The following TPTE2 variants were observed in gnomAD, a reference collection of about 807,000 sequenced individuals.
The protein encoded by TPTE2 is transmembrane phosphoinositide 3-phosphatase and tensin homolog 2.
Under a neutral mutation model 78.6 loss-of-function variants are expected in TPTE2, and 53 were observed. The ratio of observed to expected loss-of-function variants is 0.67; its 90% CI spans 0.54 to 0.85. TPTE2 has a LOEUF of 0.85. Ranked by LOEUF, TPTE2 falls within the 40% of genes least tolerant of loss-of-function variation. The pLI is 0.00. For synonymous variants in TPTE2, 175 were observed against 206.2 expected (o/e 0.85, Z 1.30); for missense variants, 461 against 623.0 (o/e 0.74, Z 2.77).
intron 11 of TPTE2, 149 bp downstream of exon 14, chr13:19,451,016 G>C (rs1398422861): frequency 2.1e-6 from 2 of 935,870 alleles, no homozygotes; most frequent in African/African-American, 1.7e-5. Context: ...CTACTAAATG[G>C]GGCCAGTCCA....
At position 19,459,740 on chromosome 13, in the gene TPTE2, G is replaced by A. The variant is rs182906865; in HGVS notation, c.741+4716C>T. 2.2e-3 allele frequency among the ~76,000 whole-genome samples: 331 copies of A among 152,324 alleles called. 1 individual carries two copies. Among genetic ancestry groups the A allele is most frequent in the Non-Finnish European group, 2.1e-3 (141 of 68,030 alleles). On this transcript the variant is annotated intron_variant, in intron 10 of 19. Transcript: ENST00000400230. ...GCCCAGTGAGGAGGAATGGATTGGG[G>A]TCCTGCTTAAAGAAGCAGTCTGGTC...
chr13:19,560,407 T>C, the TPTE2 span: 7 of 1,609,200 alleles, frequency 4.3e-6, no homozygotes, highest in Non-Finnish European at 5.9e-6. Flanking sequence ...CCCCTCTTCA[T>C]CCAGGACTAA....
chr13:19,496,954 A>G (rs1881359587), intron 1 of TPTE2, among the ~76,000 whole-genome samples: 1 of 152,136 alleles, frequency 6.6e-6, no homozygotes, highest in South Asian at 2.1e-4. Flanking sequence ...ACCGTGCGCG[A>G]GCCGAAGCAG....
intron 1 of TPTE2, 170 bp from the exon 5 acceptor site, chr13:19,493,671 T>A: frequency 1.4e-6 from 1 of 704,568 alleles, no homozygotes; most frequent in Non-Finnish European, 2.5e-6. Context: ...GAAATGAGGA[T>A]GTATATGACG....
chr13:19,488,133 T>A (rs939021787), intron 3 of TPTE2, among the ~76,000 whole-genome samples: 2 of 152,248 alleles, frequency 1.3e-5, no homozygotes, highest in African/African-American at 4.8e-5. Context: ...TCCAGGACTA[T>A]GCCTTTGATA....
At chr13:19,463,636 G>A (rs1364999357) in intron 10 of TPTE2, among the ~76,000 whole-genome samples, 4 of 152,080 alleles carry the variant, frequency 2.6e-5, no homozygotes, top group Non-Finnish European at 5.9e-5. Context: ...AGCTTTCATA[G>A]AGAAATACTT....
the TPTE2 span, chr13:19,560,345 G>A: frequency 4.4e-6 from 7 of 1,579,898 alleles, no homozygotes; most frequent in South Asian, 1.1e-5. Flanking sequence ...TGCAGCCGCC[G>A]CACCAGTTGC....
chr13:19,446,629 A>G (rs536507696), intron 13 of TPTE2, among the ~76,000 whole-genome samples: 7 of 152,290 alleles, frequency 4.6e-5, no homozygotes, highest in African/African-American at 1.7e-4. Context: ...AGAAAAACAA[A>G]TTTTACTATA....
chr13:19,442,927 G>C (rs1403087468), intron 13 of TPTE2, among the ~76,000 whole-genome samples: 1 of 152,000 alleles, frequency 6.6e-6, no homozygotes, highest in Non-Finnish European at 1.5e-5. Flanking sequence ...GAAAACTCTA[G>C]GCCAATGTGC....
chr13:19,542,423 A>C, the TPTE2 span, among the ~76,000 whole-genome samples: 3 of 152,188 alleles, frequency 2.0e-5, no homozygotes, highest in Admixed American at 6.5e-5. Context: ...CTGGACAGAA[A>C]TTTATTAGTT....
chr13:19,522,584 T>A (rs1870219935), intron 1 of TPTE2, among the ~76,000 whole-genome samples: 1 of 151,694 alleles, frequency 6.6e-6, no homozygotes, highest in Non-Finnish European at 1.5e-5. Flanking sequence ...TTTGTTTTTT[T>A]CTTTGTTTTC....
chr13:19,476,153 C>G (rs1187517379), intron 4 of TPTE2, among the ~76,000 whole-genome samples: 1 of 152,092 alleles, frequency 6.6e-6, no homozygotes, highest in Non-Finnish European at 1.5e-5. Flanking sequence ...AAATGAACTT[C>G]AGAGGTAAGA....
At chr13:19,450,083 T>C (rs1485893127) in exon 13 of TPTE2, 1 of 1,610,960 alleles carries the variant, frequency 6.2e-7, no homozygotes, top group Non-Finnish European at 8.5e-7. Flanking sequence ...TACCTTTGCC[T>C]CCTTTACAGT....
chr13:19,510,357 T>G (rs1031132501), intron 1 of TPTE2, among the ~76,000 whole-genome samples: 1 of 152,066 alleles, frequency 6.6e-6, no homozygotes, highest in Non-Finnish European at 1.5e-5. Flanking sequence ...CTGCTCCCAT[T>G]TATGGTGGAA....
chr13:19,475,887 G>A (rs1197017136), intron 4 of TPTE2, among the ~76,000 whole-genome samples: 2 of 152,072 alleles, frequency 1.3e-5, no homozygotes, highest in Non-Finnish European at 2.9e-5. Context: ...CAACTTTATG[G>A]CAATACTAAA....
chr13:19,475,694 G>T (rs1347498487), intron 4 of TPTE2, 71 bp from the exon 8 acceptor site: 2 of 1,461,072 alleles, frequency 1.4e-6, no homozygotes, highest in Non-Finnish European at 1.8e-6. Flanking sequence ...AAAAACAAAG[G>T]CCTTTATAAA....
At chr13:19,542,633 CT>C in the TPTE2 span, among the ~76,000 whole-genome samples, 1 of 151,772 alleles carries the variant, frequency 6.6e-6, no homozygotes, top group Non-Finnish European at 1.5e-5. Context: ...TAGGATGTTC[CT>C]TTTTGGGGGG....
chr13:19,451,843 G>GTGTATATA lies in TPTE2; in HGVS notation c.742-619_742-618insTATATACA, dbSNP rs1555249617. Among the ~76,000 whole-genome samples the GTGTATATA allele has an allele frequency of 4.7e-3, 694 of 147,114 alleles. 4 individuals are homozygous for GTGTATATA. The highest frequency in any genetic ancestry group is 8.7e-3 in the South Asian group (40 of 4,592). On this transcript the variant is annotated intron_variant, in intron 10 of 19. Coordinates refer to ENST00000400230, the Ensembl canonical transcript of TPTE2. ...TGTGTGTGTGTGTGTGTGTGTGTGT[G>GTGTATATA]TATATATGTATAACCTTTAAAATGA...
intron 4 of TPTE2, among the ~76,000 whole-genome samples, 195 bp from the exon 8 acceptor site, chr13:19,475,818 A>G (rs1879902615): frequency 6.6e-6 from 1 of 152,164 alleles, no homozygotes; most frequent in Admixed American, 6.6e-5. Context: ...TATGCTATCC[A>G]GAAGACAGTA....
Sources: allele counts gnomAD v4.1 joint callset (sites outside exome capture counted in the v4.1 genomes callset), GRCh38; gene constraint gnomAD v4.1.1; transcripts MANE v1.5; gene names NCBI Gene and HGNC (gene_info 2026-07-23, HGNC 2026-07-21).